Variants in LRMDA observed in about 807,000 individuals in gnomAD.
LRMDA encodes leucine-rich melanocyte differentiation-associated protein.
A neutral mutation model predicts 29.8 loss-of-function variants in LRMDA; 18 were observed. The ratio of observed to expected loss-of-function variants is 0.60; its 90% CI spans 0.42 to 0.90. LRMDA has a LOEUF of 0.90. Among genes scored for constraint, LRMDA ranks in the 40% least tolerant of loss-of-function variants. The pLI is 0.00. For missense variants in LRMDA, 273 were observed against 273.9 expected, an observed-to-expected ratio of 1.00 and a Z score of 0.02; for synonymous variants, 125 against 109.4, an observed-to-expected ratio of 1.14 and a Z score of -0.89.
chr10:76,451,709 G>A (rs1186998919), intron 6 of LRMDA, among the ~76,000 whole-genome samples: 1 of 149,388 alleles, frequency 6.7e-6, no homozygotes, highest in Non-Finnish European at 1.5e-5. Context: ...CCTGGCTGGA[G>A]TGCAATGGTG....
intron 5 of LRMDA, among the ~76,000 whole-genome samples, chr10:76,144,519 T>A (rs1019454969): frequency 2.6e-5 from 4 of 152,214 alleles, no homozygotes; most frequent in Non-Finnish European, 4.4e-5. Context: ...ATAAGAATGC[T>A]TGTGATTTTT....
intron 5 of LRMDA, among the ~76,000 whole-genome samples, chr10:76,249,809 T>G (rs921285280): frequency 2.6e-5 from 4 of 152,162 alleles, no homozygotes; most frequent in Admixed American, 1.3e-4. Context: ...ATTTATGTAT[T>G]TATTTATTTT....
At position 76,498,693 on chromosome 10, in the gene LRMDA, G is replaced by A; in HGVS notation, c.602-58516G>A. ...TTGAAGAGTGCAAAAATAAAAATTG[G>A]TTGTTTAGTAAGTAGAAAGATAAAT... On this transcript the variant is annotated intron_variant, in intron 6 of 6. Coordinates refer to ENST00000611255, the MANE Select transcript of LRMDA (RefSeq NM_001305581.2). 2.6e-5 allele frequency among the ~76,000 whole-genome samples: 2 copies of A among 76,354 alleles called. 1 individual carries two copies. The highest frequency in any genetic ancestry group is 8.7e-5 in the Non-Finnish European group (2 of 22,912). 50.1% of individuals were successfully genotyped at this position (76,354 alleles called of 152,430 possible).
intron 2 of LRMDA, among the ~76,000 whole-genome samples, chr10:75,912,768 T>C (rs562594394): frequency 6.6e-6 from 1 of 152,282 alleles, no homozygotes; most frequent in East Asian, 1.9e-4. Flanking sequence ...GTAGTATGTG[T>C]CTTTTAGGAT....
intron 5 of LRMDA, among the ~76,000 whole-genome samples, chr10:76,124,217 G>C (rs950084569): frequency 6.6e-6 from 1 of 152,186 alleles, no homozygotes; most frequent in Non-Finnish European, 1.5e-5. Context: ...ATGAAAGGGG[G>C]TTGGGATTTT....
chr10:76,213,242 T>G (rs182748026), intron 5 of LRMDA, among the ~76,000 whole-genome samples: 14 of 152,362 alleles, frequency 9.2e-5, no homozygotes, highest in Admixed American at 1.3e-4. Flanking sequence ...TGGAGGCACA[T>G]CTCTCTGTCG....
At chr10:76,530,876 AG>A (rs1200142411) in intron 6 of LRMDA, among the ~76,000 whole-genome samples, 1 of 152,168 alleles carries the variant, frequency 6.6e-6, no homozygotes, top group Non-Finnish European at 1.5e-5. Context: ...GAAGGGCTAA[AG>A]GAGATTTTCA....
At chr10:75,782,585 T>G (rs1015827873) in intron 2 of LRMDA, among the ~76,000 whole-genome samples, 1 of 152,120 alleles carries the variant, frequency 6.6e-6, no homozygotes, top group African/African-American at 2.4e-5. Flanking sequence ...TCGGCCAGGG[T>G]GCTGCAATTC....
At chr10:76,530,193 C>T (rs1201118912) in intron 6 of LRMDA, among the ~76,000 whole-genome samples, 1 of 152,102 alleles carries the variant, frequency 6.6e-6, no homozygotes, top group African/African-American at 2.4e-5. Flanking sequence ...CTAAGAGTAA[C>T]TGAAATTTGG....
chr10:75,679,782 C>T (rs932406031), intron 2 of LRMDA, among the ~76,000 whole-genome samples: 1 of 151,938 alleles, frequency 6.6e-6, no homozygotes, highest in Non-Finnish European at 1.5e-5. Context: ...TTTTCGAGGT[C>T]CAGGGCAAAT....
chr10:75,621,607 G>A (rs146234066), intron 2 of LRMDA, among the ~76,000 whole-genome samples: 28 of 152,280 alleles, frequency 1.8e-4, no homozygotes, highest in African/African-American at 4.6e-4. Flanking sequence ...GAGAATTGCC[G>A]TCTCCTGGTG....
At chr10:75,621,246 C>T (rs1841182621) in intron 2 of LRMDA, among the ~76,000 whole-genome samples, 1 of 149,846 alleles carries the variant, frequency 6.7e-6, no homozygotes, top group Admixed American at 6.6e-5. Flanking sequence ...ACACACACAC[C>T]ACATTTTCTT....
intron 5 of LRMDA, among the ~76,000 whole-genome samples, chr10:76,250,636 T>C (rs1049949731): frequency 1.3e-5 from 2 of 152,226 alleles, no homozygotes; most frequent in Admixed American, 6.5e-5. Context: ...TTGGACATTC[T>C]TTCTGATGAA....
At chr10:75,460,211 A>C (rs563469177) in intron 2 of LRMDA, among the ~76,000 whole-genome samples, 5 of 152,240 alleles carry the variant, frequency 3.3e-5, no homozygotes, top group African/African-American at 9.6e-5. Context: ...TTGTAAGAAG[A>C]AGCTGTATTT....
chr10:75,904,037 G>A (rs377567027), intron 2 of LRMDA, among the ~76,000 whole-genome samples: 46 of 152,302 alleles, frequency 3.0e-4, no homozygotes, highest in East Asian at 2.7e-3. Context: ...TAATACTACC[G>A]TATTGAACCT....
intron 5 of LRMDA, among the ~76,000 whole-genome samples, chr10:76,067,050 G>A (rs1848796292): frequency 6.6e-6 from 1 of 152,186 alleles, no homozygotes; most frequent in Non-Finnish European, 1.5e-5. Flanking sequence ...AAGAAGCTCT[G>A]GGATAGCAGA....
chr10:75,913,326 G>A (rs1845870927), intron 2 of LRMDA, among the ~76,000 whole-genome samples: 1 of 152,004 alleles, frequency 6.6e-6, no homozygotes, highest in Admixed American at 6.6e-5. Flanking sequence ...GCATGGTGGC[G>A]CGAGCCTGTA....
At chr10:75,567,147 A>T (rs1840382631) in intron 2 of LRMDA, among the ~76,000 whole-genome samples, 1 of 150,528 alleles carries the variant, frequency 6.6e-6, no homozygotes, top group African/African-American at 2.5e-5. Context: ...GCTATTAGTT[A>T]TTTTTTTTTC....
At position 76,030,135 on chromosome 10, in the gene LRMDA, A is replaced by G. The variant is rs1589295148; in HGVS notation, c.132-5873A>G. On this transcript the variant is annotated intron_variant, in intron 2 of 6. Coordinates refer to ENST00000611255, the MANE Select transcript of LRMDA (RefSeq NM_001305581.2). Reference sequence around the variant, plus strand: ...GCAGTTCCTTGTGATGTCAGTGTACACTCTGTCTCACATACCCTAGCCAGA... The same window carrying G: ...GCAGTTCCTTGTGATGTCAGTGTACGCTCTGTCTCACATACCCTAGCCAGA... Among the ~76,000 whole-genome samples the G allele has an allele frequency of 2.0e-5, 3 of 152,050 alleles. No individual in the cohort carries two copies. The South Asian group carries it at 6.2e-4, about 32-fold the overall frequency.
Sources: allele counts gnomAD v4.1 joint callset (sites outside exome capture counted in the v4.1 genomes callset), GRCh38; gene constraint gnomAD v4.1.1; transcripts MANE v1.5; gene names NCBI Gene and HGNC (gene_info 2026-07-23, HGNC 2026-07-21).